PTPRD: variants seen among roughly 807,000 people sequenced by gnomAD.
The protein encoded by PTPRD is protein tyrosine phosphatase receptor type D.
In PTPRD, 34 loss-of-function variants were observed where a neutral mutation model predicts 214.5. That is an observed-to-expected ratio of 0.16 (90% confidence interval 0.12 to 0.21). The LOEUF is 0.21. PTPRD is among the 10% of genes least tolerant of loss of function. PTPRD has a pLI of 1.00. For synonymous variants in PTPRD, 1,128 were observed against 845.7 expected (o/e 1.33, Z -5.79); for missense variants, 2,545 against 2,398.7 (o/e 1.06, Z -1.27).
chr9:8,473,141 A>T (rs192029036), intron 30 of PTPRD, among the ~76,000 whole-genome samples: 1 of 152,112 alleles, frequency 6.6e-6, no homozygotes, highest in African/African-American at 2.4e-5. Context: ...CTTTTCCCCT[A>T]ATGGAGAATT....
At position 9,781,751 on chromosome 9, in the gene PTPRD, A is replaced by G. The variant is rs146307549; in HGVS notation, c.-367-14900T>C. Among the ~76,000 whole-genome samples the G allele has an allele frequency of 2.9e-3, 444 of 150,988 alleles. 3 individuals carry two copies. Among genetic ancestry groups the G allele is most frequent in the African/African-American group, 0.01 (425 of 41,080 alleles). ...TACACAATCCGATTTGCTAAGTCCC[A>G]TCTCCCTCTATTATCTTTTGACTAA... On this transcript the variant is annotated intron_variant, in intron 5 of 45. Coordinates refer to ENST00000381196, the MANE Select transcript of PTPRD (RefSeq NM_002839.4).
chr9:9,534,988 T>C (rs2076229625), intron 8 of PTPRD, among the ~76,000 whole-genome samples: 1 of 152,036 alleles, frequency 6.6e-6, no homozygotes, highest in African/African-American at 2.4e-5. Flanking sequence ...CCGTTATGAA[T>C]TTTACAGACT....
intron 11 of PTPRD, among the ~76,000 whole-genome samples, chr9:8,830,661 G>A (rs2097269780): frequency 6.6e-6 from 1 of 152,144 alleles, no homozygotes; most frequent in African/African-American, 2.4e-5. Context: ...GTTCCTCCCA[G>A]TCAATACCCA....
intron 3 of PTPRD, among the ~76,000 whole-genome samples, chr9:10,156,255 TTTTAATG>T (rs1554756140): frequency 6.6e-6 from 1 of 152,058 alleles, no homozygotes; most frequent in Non-Finnish European, 1.5e-5. Context: ...TGTTCTAACT[TTTTAATG>T]TGAGGATTTA....
intron 6 of PTPRD, among the ~76,000 whole-genome samples, chr9:9,759,731 T>C (rs1013072384): frequency 2.6e-5 from 4 of 151,684 alleles, no homozygotes; most frequent in Non-Finnish European, 4.4e-5. Flanking sequence ...CTAACTTTTT[T>C]TATTTTTAGT....
At chr9:9,596,479 G>A (rs1472995547) in intron 7 of PTPRD, among the ~76,000 whole-genome samples, 1 of 151,850 alleles carries the variant, frequency 6.6e-6, no homozygotes. Context: ...ATTTACAAAG[G>A]TTGTTATTGC....
chr9:8,858,988 G>A (rs2098033403), intron 11 of PTPRD, among the ~76,000 whole-genome samples: 1 of 152,182 alleles, frequency 6.6e-6, no homozygotes, highest in African/African-American at 2.4e-5. Flanking sequence ...CTGCGTCCCA[G>A]CGCAAAGGAG....
intron 12 of PTPRD, among the ~76,000 whole-genome samples, chr9:8,698,801 C>T (rs927947246): frequency 6.6e-6 from 1 of 152,114 alleles, no homozygotes; most frequent in Non-Finnish European, 1.5e-5. Context: ...TTGGGGATAA[C>T]GCATAGCAAT....
At chr9:9,164,705 A>G (rs779658440) in intron 10 of PTPRD, among the ~76,000 whole-genome samples, 1 of 152,030 alleles carries the variant, frequency 6.6e-6, no homozygotes, top group Non-Finnish European at 1.5e-5. Flanking sequence ...TCCTAGACTG[A>G]TTTCTTTTTT....
rs114222642 is a variant in PTPRD, at chr9:8,457,273, A to G, written c.3875+3138T>C. 9.8e-3 allele frequency among the ~76,000 whole-genome samples: 1,491 copies of G among 152,272 alleles called. 29 individuals are homozygous for G. The highest frequency in any genetic ancestry group is 0.034 in the African/African-American group (1,419 of 41,558). On this transcript the variant is annotated intron_variant, in intron 33 of 45. Transcript: ENST00000381196. Reference sequence around the variant, plus strand: ...TTCGGGTTTCTTGGCTCCTCAGTCCAGTACTTGGCCGAACGTTGCTACTAT... The same window carrying G: ...TTCGGGTTTCTTGGCTCCTCAGTCCGGTACTTGGCCGAACGTTGCTACTAT...
At chr9:9,982,964 G>A (rs913625324) in intron 4 of PTPRD, among the ~76,000 whole-genome samples, 30 of 151,906 alleles carry the variant, frequency 2.0e-4, no homozygotes, top group African/African-American at 6.0e-4. Context: ...GTGATGTGGC[G>A]GAAATCTGGA....
chr9:9,161,353 A>G (rs887500559), intron 10 of PTPRD, among the ~76,000 whole-genome samples: 4 of 152,072 alleles, frequency 2.6e-5, no homozygotes, highest in African/African-American at 9.7e-5. Flanking sequence ...GAAAAGAATT[A>G]GTGGTCAGGA....
chr9:8,721,151 G>A (rs987314318), intron 12 of PTPRD, among the ~76,000 whole-genome samples: 3 of 151,826 alleles, frequency 2.0e-5, no homozygotes, highest in Non-Finnish European at 4.4e-5. Context: ...TAAACTGGCT[G>A]GGCGTAGTGG....
At chr9:8,843,262 T>TG (rs1416914394) in intron 11 of PTPRD, among the ~76,000 whole-genome samples, 14 of 152,230 alleles carry the variant, frequency 9.2e-5, no homozygotes, top group African/African-American at 2.9e-4. Flanking sequence ...TCAAAGAGTT[T>TG]GTCTGTCATT....
intron 5 of PTPRD, among the ~76,000 whole-genome samples, chr9:9,797,356 C>G (rs1565342238): frequency 7.0e-6 from 1 of 142,720 alleles, no homozygotes; most frequent in Admixed American, 7.3e-5. Context: ...CTATAAATTA[C>G]ATATTTAAAA....
At chr9:10,506,943 C>T (rs909802126) in intron 2 of PTPRD, among the ~76,000 whole-genome samples, 2 of 151,978 alleles carry the variant, frequency 1.3e-5, no homozygotes, top group Non-Finnish European at 2.9e-5. Flanking sequence ...CTTTCTCCTG[C>T]CTGATTGCCC....
At chr9:10,071,533 C>G (rs902331614) in intron 3 of PTPRD, among the ~76,000 whole-genome samples, 1 of 151,906 alleles carries the variant, frequency 6.6e-6, no homozygotes, top group Admixed American at 6.6e-5. Context: ...AAATCATTAC[C>G]AGAAATGGTG....
intron 9 of PTPRD, among the ~76,000 whole-genome samples, chr9:9,196,931 A>G (rs532854616): frequency 1.3e-5 from 2 of 152,176 alleles, no homozygotes; most frequent in African/African-American, 2.4e-5. Flanking sequence ...GAATATCAAT[A>G]TCAGACAAGG....
At chr9:10,474,244 C>T (rs369166107) in intron 2 of PTPRD, among the ~76,000 whole-genome samples, 4 of 150,658 alleles carry the variant, frequency 2.7e-5, no homozygotes, top group Admixed American at 6.6e-5. Context: ...ACCCATCTCA[C>T]GTTCAAAGAC....
Sources: gnomAD v4.1 joint callset for allele counts (sites outside exome capture counted in the v4.1 genomes callset) on GRCh38, gnomAD v4.1.1 for gene constraint, MANE v1.5 for transcripts, NCBI Gene and HGNC (gene_info 2026-07-23, HGNC 2026-07-21) for gene names.